Variants in ASB2 observed in about 807,000 individuals in gnomAD.
ASB2 encodes ankyrin repeat and SOCS box containing 2.
A neutral mutation model predicts 62.4 loss-of-function variants in ASB2; 58 were observed. The observed-to-expected ratio is 0.93, with a 90% CI of 0.75 to 1.16. ASB2 has a LOEUF of 1.16. ASB2 is among the 50% of genes most tolerant of loss of function. The probability of loss-of-function intolerance (pLI) is 0.00; values close to 1 mark genes in which losing one functional copy is unlikely to be tolerated. For synonymous variants in ASB2, 386 were observed against 385.3 expected, an observed-to-expected ratio of 1.00 and a Z score of -0.02; for missense variants, 928 against 887.9, an observed-to-expected ratio of 1.05 and a Z score of -0.57.
chr14:93,946,093 T>C (rs1888712027), intron 7 of ASB2, among the ~76,000 whole-genome samples: 1 of 152,206 alleles, frequency 6.6e-6, no homozygotes, highest in South Asian at 2.1e-4. Flanking sequence ...AGTATAGATA[T>C]TTAAAATCAG....
intron 2 of ASB2, 87 bp from the exon 3 acceptor site, chr14:93,956,957 A>C (rs756416347): frequency 8.2e-6 from 13 of 1,580,760 alleles, no homozygotes; most frequent in Middle Eastern, 1.7e-4. Context: ...ATGAGGATGG[A>C]GGGAGAGCCA....
intron 2 of ASB2, 92 bp downstream of exon 2, chr14:93,964,242 A>G: frequency 1.8e-6 from 2 of 1,140,370 alleles, no homozygotes; most frequent in Non-Finnish European, 2.5e-6. Context: ...AGAGACCAGG[A>G]TACCGTGGTT....
rs530975948 is a variant in ASB2, at chr14:93,937,755, G to A, written c.1714C>T (p.Arg572Trp). 42 of 1,613,102 alleles carry A rather than the reference G, an allele frequency of 2.6e-5. No individual in the cohort carries two copies. Among genetic ancestry groups the A allele is most frequent in the Non-Finnish European group, 3.5e-5 (41 of 1,179,132 alleles). The change falls in exon 9 of 10, where the codon CGG becomes TGG. Residue 572 changes from arginine (R) to tryptophan (W), a missense_variant. By Grantham distance (101) the Arg-to-Trp change is moderately radical (BLOSUM62 -3). Transcript: ENST00000555019. ...DYVGNVQLCS[R>W]LKEHIDSFED... ...AAGCTGTCGATGTGTTCCTTCAGCC[G>A]CGAGCAGAGCTGCACGTTGCCCACG...
intron 4 of ASB2, 142 bp from the exon 5 acceptor site, chr14:93,953,649 G>T (rs1448432665): frequency 2.8e-6 from 2 of 724,044 alleles, no homozygotes; most frequent in Non-Finnish European, 4.2e-6. Flanking sequence ...CATTCATCTG[G>T]CCCTTTCACA....
chr14:93,964,768 T>TATCCATCC (rs34475911), intron 1 of ASB2, among the ~76,000 whole-genome samples, 156 bp from the exon 2 acceptor site: 78 of 150,948 alleles, frequency 5.2e-4, no homozygotes, highest in South Asian at 1.7e-3. Context: ...TCCATCTATA[T>TATCCATCC]ATCCATCCAT....
chr14:93,972,831 G>A (rs1889798455), intron 1 of ASB2, among the ~76,000 whole-genome samples: 1 of 152,238 alleles, frequency 6.6e-6, no homozygotes, highest in African/African-American at 2.4e-5. Context: ...TGGCTGCCCT[G>A]GGGCCTGGTG....
Position 93,956,878 on chromosome 14 carries a change from G to A in ASB2, c.207-8C>T, listed in dbSNP as rs141309480. ...TCAGGAGGTGCAGTGGACCTGGAGG[G>A]TGCAGAGCAGGAGTGAAAGAGGGAA... On this transcript the variant is annotated splice_polypyrimidine_tract_variant and splice_region_variant and intron_variant, in intron 2 of 9. Coordinates refer to ENST00000555019, the MANE Select transcript of ASB2 (RefSeq NM_001202429.2). 1.1e-5 allele frequency: 17 copies of A among 1,614,166 alleles called. No individual in the cohort carries two copies. Among genetic ancestry groups the A allele is most frequent in the South Asian group, 8.8e-5 (8 of 91,088 alleles).
intron 7 of ASB2, among the ~76,000 whole-genome samples, chr14:93,942,958 G>T (rs1444530251): frequency 6.6e-6 from 1 of 152,178 alleles, no homozygotes; most frequent in Non-Finnish European, 1.5e-5. Context: ...TCATAATTGT[G>T]CTAATATTGC....
intron 1 of ASB2, among the ~76,000 whole-genome samples, chr14:93,972,295 C>T (rs1889779345): frequency 6.6e-6 from 1 of 152,048 alleles, no homozygotes; most frequent in Admixed American, 6.5e-5. Flanking sequence ...GCCTTTCCCC[C>T]CAGGATCCAG....
chr14:93,939,456 GT>G lies in ASB2; in HGVS notation c.1268del (p.Asn423ThrfsTer64). 1 of 1,612,438 alleles carries G rather than the reference GT, an allele frequency of 6.2e-7. No homozygotes were observed. The highest frequency in any genetic ancestry group is 8.5e-7 in the Non-Finnish European group (1 of 1,179,754). ...SALYFAVVNN[N>X]VYATELLLQH... ...GCAGCAGCAGCTCGGTGGCGTACAC[GT>G]TGTTGTTGACCACCGCGAAGTACAG... is the stretch of plus-strand genomic sequence containing the variant. On this transcript the variant is annotated frameshift_variant, in exon 8 of 10. Coordinates refer to ENST00000555019, the MANE Select transcript of ASB2 (RefSeq NM_001202429.2). LOFTEE classifies it high-confidence loss of function.
At chr14:93,959,030 C>T (rs1372842863) in intron 2 of ASB2, among the ~76,000 whole-genome samples, 1 of 152,152 alleles carries the variant, frequency 6.6e-6, no homozygotes, top group Non-Finnish European at 1.5e-5. Context: ...AACAACTGTG[C>T]AGGGCAAATG....
intron 1 of ASB2, among the ~76,000 whole-genome samples, chr14:93,974,488 C>T (rs749073256): frequency 3.3e-5 from 5 of 152,236 alleles, no homozygotes; most frequent in Non-Finnish European, 7.3e-5. Flanking sequence ...TATTTTTGTG[C>T]CTCCTTTGGG....
At chr14:93,956,906 G>A (rs1364212966) in intron 2 of ASB2, 36 bp from the exon 3 acceptor site, 2 of 1,613,882 alleles carry the variant, frequency 1.2e-6, no homozygotes, top group East Asian at 4.5e-5. Flanking sequence ...AGAGGGAAAA[G>A]TACTCTGCAT....
At chr14:93,972,813 C>T (rs769276519) in intron 1 of ASB2, among the ~76,000 whole-genome samples, 2 of 152,248 alleles carry the variant, frequency 1.3e-5, no homozygotes, top group Non-Finnish European at 2.9e-5. Flanking sequence ...GCAGTGCTCT[C>T]AAGCCTCTGG....
At chr14:93,940,011 G>T (rs1189274091) in intron 7 of ASB2, 6 of 303,350 alleles carry the variant, frequency 2.0e-5, no homozygotes, top group Non-Finnish European at 3.6e-5. Context: ...ACCTCAGCCA[G>T]ACTGCACTAG....
At chr14:93,943,300 T>C (rs2141278856) in intron 7 of ASB2, among the ~76,000 whole-genome samples, 1 of 152,342 alleles carries the variant, frequency 6.6e-6, no homozygotes, top group East Asian at 1.9e-4. Flanking sequence ...CACAGAGGCA[T>C]TCTGGATCAC....
intron 3 of ASB2, chr14:93,955,213 G>A (rs968623452): frequency 1.3e-5 from 6 of 455,204 alleles, no homozygotes; most frequent in Non-Finnish European, 2.2e-5. Flanking sequence ...GAGAAGGTGA[G>A]GCTGGAGGCA....
intron 1 of ASB2, among the ~76,000 whole-genome samples, chr14:93,974,885 C>T (rs75793081): frequency 0.011 from 1,734 of 152,316 alleles, 39 homozygotes; most frequent in African/African-American, 0.04. Context: ...GTGAGGTCAC[C>T]GTGCGTGGGT....
At chr14:93,941,849 G>T (rs750800072) in intron 7 of ASB2, among the ~76,000 whole-genome samples, 2 of 152,260 alleles carry the variant, frequency 1.3e-5, no homozygotes, top group Non-Finnish European at 2.9e-5. Context: ...TCTTACTGCG[G>T]CAGGACTCTG....
Sources: allele counts gnomAD v4.1 joint callset (sites outside exome capture counted in the v4.1 genomes callset), GRCh38; gene constraint gnomAD v4.1.1; transcripts MANE v1.5; gene names NCBI Gene and HGNC (gene_info 2026-07-23, HGNC 2026-07-21).